Variants in AGPAT5 observed in about 807,000 individuals in gnomAD.
AGPAT5 encodes the protein 1-acyl-sn-glycerol-3-phosphate acyltransferase epsilon.
AGPAT5 carries 46 observed loss-of-function variants against 45.6 expected under a neutral mutation model. The ratio of observed to expected loss-of-function variants is 1.01; its 90% CI spans 0.80 to 1.29. AGPAT5 has a LOEUF of 1.29. AGPAT5 is among the 50% of genes most tolerant of loss of function. The pLI, the probability that AGPAT5 is intolerant of heterozygous loss-of-function variation, is 0.00. For missense variants in AGPAT5, 673 were observed against 450.7 expected (o/e 1.49, Z -4.47); for synonymous variants, 272 against 167.0 (o/e 1.63, Z -4.85).
intron 1 of AGPAT5, 88 bp downstream of exon 1, chr8:6,708,975 C>A: frequency 7.5e-7 from 1 of 1,340,922 alleles, no homozygotes; most frequent in Middle Eastern, 1.8e-4. Flanking sequence ...TGGCGAGGGT[C>A]ACCCGGCCGG....
Position 6,729,345 on chromosome 8 carries a change from C to CTTTTTT in AGPAT5, c.290-1357_290-1352dup, listed in dbSNP as rs57365087. ...ATCCTCAGCTTTTATTTTCTACAGA[C>CTTTTTT]TTTTTTTTTTTTTTAACATTTCCTT... On this transcript the variant is annotated intron_variant, in intron 2 of 7. Transcript: ENST00000285518. 8.0e-4 allele frequency among the ~76,000 whole-genome samples: 115 copies of CTTTTTT among 143,204 alleles called. 1 individual carries two copies. Among genetic ancestry groups the CTTTTTT allele is most frequent in the African/African-American group, 2.9e-3 (110 of 38,314 alleles). 93.9% of individuals were successfully genotyped at this position (143,204 alleles called of 152,430 possible).
intron 5 of AGPAT5, among the ~76,000 whole-genome samples, chr8:6,742,554 C>G (rs1368615099): frequency 6.6e-6 from 1 of 152,176 alleles, no homozygotes; most frequent in East Asian, 1.9e-4. Flanking sequence ...ACAGTGCTGT[C>G]TAATGGAACT....
intron 7 of AGPAT5, among the ~76,000 whole-genome samples, chr8:6,755,401 G>C (rs1801801875): frequency 6.6e-6 from 1 of 152,072 alleles, no homozygotes; most frequent in Non-Finnish European, 1.5e-5. Flanking sequence ...AGTATTTCTT[G>C]GACAATACTA....
intron 1 of AGPAT5, among the ~76,000 whole-genome samples, chr8:6,723,062 A>T (rs10096753): frequency 0.69 from 104,251 of 152,154 alleles, 36,955 homozygotes; most frequent in African/African-American, 0.86. Context: ...TACAGAATGA[A>T]GCCTTTAAAA....
rs145862808 is a variant in AGPAT5 at position 6,734,095 on chromosome 8, G to T, written c.495+1445G>T. Among the ~76,000 whole-genome samples, 161 of 152,160 alleles carry T rather than the reference G, an allele frequency of 1.1e-3. No individual in the cohort carries two copies. In the East Asian group the frequency reaches 0.029, roughly 28 times the overall value. On this transcript the variant is annotated intron_variant, in intron 4 of 7. Transcript: ENST00000285518. ...ATTTTTACCTGGATTGGTCCTCTGA[G>T]CTTGGATCTATGATTTGGTGTCTGT...
chr8:6,747,642 T>C lies in AGPAT5; in HGVS notation c.587-28T>C, dbSNP rs759803550. On this transcript the variant is annotated intron_variant, in intron 5 of 7. Transcript: ENST00000285518. ...TATTGTGGAGGTGTTTTGTAACTAA[T>C]TAATGACGGCACTGAATTGACTTCT... is the stretch of plus-strand genomic sequence containing the variant. 4 of 1,594,634 alleles carry C rather than the reference T, an allele frequency of 2.5e-6. No homozygotes were observed. The African/African-American group carries it at 4.0e-5, about 16-fold the overall frequency.
chr8:6,715,590 C>G (rs1033605660), intron 1 of AGPAT5, among the ~76,000 whole-genome samples: 1 of 152,204 alleles, frequency 6.6e-6, no homozygotes, highest in Non-Finnish European at 1.5e-5. Context: ...TGGTTCACAT[C>G]TGTAGTAGCC....
intron 2 of AGPAT5, among the ~76,000 whole-genome samples, chr8:6,728,574 A>G (rs1242095815): frequency 6.6e-6 from 1 of 152,224 alleles, no homozygotes; most frequent in African/African-American, 2.4e-5. Context: ...GTGAGGCCAT[A>G]ATATAACCAT....
intron 3 of AGPAT5, among the ~76,000 whole-genome samples, chr8:6,732,245 C>A (rs1368733371): frequency 6.6e-6 from 1 of 152,184 alleles, no homozygotes; most frequent in Non-Finnish European, 1.5e-5. Flanking sequence ...TTAAATCCAT[C>A]TGATGGATCA....
chr8:6,724,467 A>C (rs1423992353), intron 1 of AGPAT5, among the ~76,000 whole-genome samples: 1 of 152,240 alleles, frequency 6.6e-6, no homozygotes, highest in Non-Finnish European at 1.5e-5. Context: ...TAAAACCTTA[A>C]AAAGGTACCA....
intron 1 of AGPAT5, among the ~76,000 whole-genome samples, chr8:6,715,074 G>A (rs1363056869): frequency 1.3e-5 from 2 of 152,162 alleles, no homozygotes; most frequent in Non-Finnish European, 2.9e-5. Flanking sequence ...ATTCCCGTGT[G>A]TACATTGTTC....
intron 1 of AGPAT5, among the ~76,000 whole-genome samples, chr8:6,712,647 C>G (rs1318395977): frequency 6.6e-6 from 1 of 152,054 alleles, no homozygotes; most frequent in Non-Finnish European, 1.5e-5. Flanking sequence ...TTGGGTAGGA[C>G]TCATGAAAAA....
intron 6 of AGPAT5, among the ~76,000 whole-genome samples, chr8:6,748,505 T>G (rs1289198538): frequency 1.3e-5 from 2 of 152,024 alleles, no homozygotes; most frequent in East Asian, 3.9e-4. Flanking sequence ...GTTTTTTTGT[T>G]TTTCGTTTTT....
At chr8:6,725,890 C>T (rs932620077) in intron 2 of AGPAT5, among the ~76,000 whole-genome samples, 9 of 152,090 alleles carry the variant, frequency 5.9e-5, no homozygotes, top group Admixed American at 5.9e-4. Context: ...TTCCTGTCAG[C>T]TGTCTCTTCA....
At chr8:6,711,342 G>A (rs1800150436) in intron 1 of AGPAT5, among the ~76,000 whole-genome samples, 2 of 152,112 alleles carry the variant, frequency 1.3e-5, no homozygotes, top group Admixed American at 6.5e-5. Flanking sequence ...ATTTTCATAT[G>A]TATCTCTGAG....
rs897028846 is a variant in AGPAT5, at chr8:6,757,598, G to A, written c.*210G>A. 17 of 529,114 alleles carry A rather than the reference G, an allele frequency of 3.2e-5. No homozygotes were observed. Among genetic ancestry groups the A allele is most frequent in the Middle Eastern group, 4.9e-4 (1 of 2,036 alleles). 32.8% of individuals were successfully genotyped at this position (529,114 alleles called of 1,614,324 possible). A position where few individuals can be genotyped will look rare whatever the true frequency, so the allele number is the denominator to read the frequency against. On this transcript the variant is annotated 3_prime_UTR_variant, in exon 8 of 8. Transcript: ENST00000285518. ...TACAACTTTAGCATCGGGGCTGCTGGAAGGGTAAAAGCTAAATGGAGTTTC... is the reference window on the plus strand; with the variant it reads ...TACAACTTTAGCATCGGGGCTGCTGAAAGGGTAAAAGCTAAATGGAGTTTC...
chr8:6,749,036 C>T (rs1376269736), intron 6 of AGPAT5, among the ~76,000 whole-genome samples: 4 of 152,100 alleles, frequency 2.6e-5, no homozygotes, highest in African/African-American at 2.4e-5. Flanking sequence ...ATTATTCTGC[C>T]CAACCTTACA....
chr8:6,750,355 T>C (rs1261674308), intron 6 of AGPAT5, among the ~76,000 whole-genome samples: 1 of 152,258 alleles, frequency 6.6e-6, no homozygotes, highest in Non-Finnish European at 1.5e-5. Context: ...GAGCTGACTG[T>C]GGCTTTGGGG....
At chr8:6,741,918 A>G (rs1801256508) in intron 5 of AGPAT5, among the ~76,000 whole-genome samples, 167 bp downstream of exon 5, 1 of 152,170 alleles carries the variant, frequency 6.6e-6, no homozygotes, top group Admixed American at 6.5e-5. Context: ...TCTTCTCCTT[A>G]ATTCACTTTC....
Sources: allele counts gnomAD v4.1 joint callset (sites outside exome capture counted in the v4.1 genomes callset), GRCh38; gene constraint gnomAD v4.1.1; transcripts MANE v1.5; gene names NCBI Gene and HGNC (gene_info 2026-07-23, HGNC 2026-07-21).